The following CTNNA3 variants were observed in gnomAD, a reference collection of about 807,000 sequenced individuals.
CTNNA3 encodes the protein catenin alpha-3.
CTNNA3 carries 76 observed loss-of-function variants against 95.7 expected under a neutral mutation model. The ratio of observed to expected loss-of-function variants is 0.79; its 90% CI spans 0.66 to 0.96. The LOEUF (loss-of-function observed/expected upper bound fraction) is 0.96, where lower values mean the gene tolerates loss of function less well. Ranked by LOEUF, CTNNA3 falls within the 40% of genes least tolerant of loss-of-function variation. CTNNA3 has a pLI of 0.00. For missense variants in CTNNA3, 1,191 were observed against 1,089.8 expected (o/e 1.09, Z -1.31); for synonymous variants, 431 against 374.4 (o/e 1.15, Z -1.74).
At chr10:66,656,543 C>A (rs1846079968) in intron 9 of CTNNA3, among the ~76,000 whole-genome samples, 1 of 152,056 alleles carries the variant, frequency 6.6e-6, no homozygotes, top group South Asian at 2.1e-4. Context: ...AGAGGACTTG[C>A]TAGTTTATGT....
At chr10:65,982,695 A>G (rs554534484) in intron 16 of CTNNA3, among the ~76,000 whole-genome samples, 6 of 148,038 alleles carry the variant, frequency 4.1e-5, no homozygotes, top group Admixed American at 1.4e-4. Flanking sequence ...GTATATATAT[A>G]TGTGTGTGTG....
intron 7 of CTNNA3, among the ~76,000 whole-genome samples, chr10:67,018,911 G>T (rs1852820516): frequency 6.6e-6 from 1 of 152,100 alleles, no homozygotes; most frequent in African/African-American, 2.4e-5. Context: ...TAGCTAATCT[G>T]GCAAGTGGGT....
chr10:67,054,053 C>A (rs931127419), intron 7 of CTNNA3, among the ~76,000 whole-genome samples: 4 of 152,106 alleles, frequency 2.6e-5, no homozygotes, highest in African/African-American at 9.7e-5. Context: ...TCCATCTTTG[C>A]AGATTACAGA....
chr10:66,887,363 T>G (rs1171573557), intron 7 of CTNNA3, among the ~76,000 whole-genome samples: 2 of 152,090 alleles, frequency 1.3e-5, no homozygotes, highest in South Asian at 2.1e-4. Flanking sequence ...TGATTCAGTT[T>G]CAAAATATCA....
chr10:65,989,060 C>G (rs114623347), intron 15 of CTNNA3, among the ~76,000 whole-genome samples: 2 of 152,066 alleles, frequency 1.3e-5, no homozygotes, highest in Admixed American at 1.3e-4. Flanking sequence ...CCAGTCTTAG[C>G]CCCCCGAAGA....
At chr10:65,920,762 G>A (rs2133107432) in intron 17 of CTNNA3, 145 bp from the exon 18 acceptor site, 1 of 781,286 alleles carries the variant, frequency 1.3e-6, no homozygotes, top group Non-Finnish European at 2.0e-6. Flanking sequence ...GGAGGCAAAG[G>A]TTGCAGTGAG....
chr10:65,948,006 G>T (rs771324050), intron 17 of CTNNA3, among the ~76,000 whole-genome samples: 1 of 152,280 alleles, frequency 6.6e-6, no homozygotes, highest in South Asian at 2.1e-4. Flanking sequence ...GGCCAGGCGC[G>T]GTGGCTTACG....
chr10:67,529,696 G>T (rs902925047), intron 4 of CTNNA3, among the ~76,000 whole-genome samples: 2 of 151,306 alleles, frequency 1.3e-5, no homozygotes, highest in African/African-American at 2.4e-5. Flanking sequence ...AAAAATATAC[G>T]TTTGAAAAAA....
At chr10:67,146,070 T>G (rs1860828563) in intron 7 of CTNNA3, among the ~76,000 whole-genome samples, 1 of 152,100 alleles carries the variant, frequency 6.6e-6, no homozygotes, top group Admixed American at 6.6e-5. Context: ...TACTGCACCT[T>G]CCAACCAACA....
intron 7 of CTNNA3, among the ~76,000 whole-genome samples, chr10:67,050,144 C>A (rs12775219): frequency 0.44 from 67,195 of 152,062 alleles, 15,250 homozygotes; most frequent in Middle Eastern, 0.61. Context: ...CTAAACTTTT[C>A]TGCTGTGTTG....
rs184362505 is a variant in CTNNA3, at chr10:67,502,705, G to A, written c.579+19137C>T. Among the ~76,000 whole-genome samples the A allele has an allele frequency of 3.1e-4, 47 of 152,296 alleles. No homozygotes were observed. In the Middle Eastern group the frequency reaches 0.014, roughly 44 times the overall value. On this transcript the variant is annotated intron_variant, in intron 5 of 17. Transcript: ENST00000433211. ...TCTAGAGAGGCAGTCTGGCTACAGC[G>A]GCTTTGCTGAGCTGTGGTGGGCTCC...
chr10:65,944,896 CTATCATCT>C lies in CTNNA3; in HGVS notation c.2400+21708_2400+21715del, dbSNP rs1407622496. On this transcript the variant is annotated intron_variant, in intron 17 of 17. Transcript: ENST00000433211. Reference sequence around the variant, plus strand: ...TCTATCTATCTATCTATCTATCTATCTATCATCTATCTATCATCTATTTATCATCTATC... The same window carrying C: ...TCTATCTATCTATCTATCTATCTATCATCTATCATCTATTTATCATCTATC... 4.5e-3 allele frequency among the ~76,000 whole-genome samples: 547 copies of C among 122,206 alleles called. 1 individual carries two copies. Among genetic ancestry groups the C allele is most frequent in the Non-Finnish European group, 7.0e-3 (378 of 53,680 alleles). The allele number at this position is 122,206 out of a possible 152,430, so 80.2% of individuals were successfully genotyped here.
intron 15 of CTNNA3, among the ~76,000 whole-genome samples, chr10:66,042,361 T>C (rs982734120): frequency 1.3e-5 from 2 of 152,120 alleles, no homozygotes; most frequent in African/African-American, 4.8e-5. Flanking sequence ...TATGTTCCTA[T>C]ATGCCAGACA....
intron 17 of CTNNA3, among the ~76,000 whole-genome samples, chr10:65,941,480 T>C (rs976385182): frequency 6.6e-6 from 1 of 152,214 alleles, no homozygotes; most frequent in African/African-American, 2.4e-5. Context: ...ATATTTAAGC[T>C]ACCCACGTGA....
At chr10:66,173,429 G>C (rs2085533494) in intron 13 of CTNNA3, among the ~76,000 whole-genome samples, 1 of 152,096 alleles carries the variant, frequency 6.6e-6, no homozygotes, top group African/African-American at 2.4e-5. Context: ...AAAGAATATT[G>C]AGTTTTTCAG....
At chr10:65,987,243 CAG>C (rs1189659183) in intron 16 of CTNNA3, among the ~76,000 whole-genome samples, 1 of 151,936 alleles carries the variant, frequency 6.6e-6, no homozygotes, top group African/African-American at 2.4e-5. Flanking sequence ...AAACAATTAA[CAG>C]AGTGACAAGA....
chr10:67,160,207 A>C (rs937509283), intron 7 of CTNNA3, among the ~76,000 whole-genome samples: 18 of 152,132 alleles, frequency 1.2e-4, no homozygotes, highest in Non-Finnish European at 1.2e-4. Context: ...ATCAATAAAC[A>C]AAAAAAGATC....
chr10:66,424,887 A>G (rs2093225814), intron 11 of CTNNA3, among the ~76,000 whole-genome samples: 1 of 152,108 alleles, frequency 6.6e-6, no homozygotes, highest in South Asian at 2.1e-4. Context: ...AGGCTGAGGC[A>G]GGAGGATCAC....
intron 7 of CTNNA3, among the ~76,000 whole-genome samples, chr10:67,158,083 T>C (rs1861387330): frequency 6.6e-6 from 1 of 151,896 alleles, no homozygotes; most frequent in South Asian, 2.1e-4. Flanking sequence ...ATACTGAATA[T>C]GTAGACATAG....
Sources: allele counts gnomAD v4.1 joint callset (sites outside exome capture counted in the v4.1 genomes callset), GRCh38; gene constraint gnomAD v4.1.1; transcripts MANE v1.5; gene names NCBI Gene and HGNC (gene_info 2026-07-23, HGNC 2026-07-21).